PGR: variants seen among roughly 807,000 people sequenced by gnomAD.
PGR encodes the protein progesterone receptor.
Under a neutral mutation model 76.1 loss-of-function variants are expected in PGR, and 25 were observed. The ratio of observed to expected loss-of-function variants is 0.33; its 90% CI spans 0.24 to 0.46. PGR has a LOEUF of 0.46. Among genes scored for constraint, PGR ranks in the 20% least tolerant of loss-of-function variants. PGR has a pLI of 1.00. For synonymous variants in PGR, 579 were observed against 535.0 expected (o/e 1.08, Z -1.14); for missense variants, 1,172 against 1,225.3 (o/e 0.96, Z 0.65).
intron 4 of PGR, among the ~76,000 whole-genome samples, chr11:101,061,848 C>T (rs1395385457): frequency 6.6e-6 from 1 of 152,114 alleles, no homozygotes; most frequent in African/African-American, 2.4e-5. Flanking sequence ...GACTGAAATT[C>T]TTCTGTGATG....
At chr11:101,063,327 G>C (rs1261698434) in intron 3 of PGR, 1 of 152,264 alleles carries the variant, frequency 6.6e-6, no homozygotes, top group Non-Finnish European at 1.5e-5. Flanking sequence ...ACTTTTATGA[G>C]ATCTAAGACT....
Position 101,105,396 on chromosome 11 carries a change from C to A in PGR, c.1790-13520G>T, listed in dbSNP as rs562970089. 1.4e-4 allele frequency among the ~76,000 whole-genome samples: 21 copies of A among 151,898 alleles called. 1 individual carries two copies. The East Asian group carries it at 3.7e-3, about 27-fold the overall frequency. On this transcript the variant is annotated intron_variant, in intron 2 of 7. Transcript: ENST00000325455. Reference sequence around the variant, plus strand: ...CGAAGGGGAATAAGAGTGGCTTAAACCAAAGTGGTCAGTGGAGGTGGTGAT... The same window carrying A: ...CGAAGGGGAATAAGAGTGGCTTAAAACAAAGTGGTCAGTGGAGGTGGTGAT...
chr11:101,051,321 A>G (rs1473799937), intron 5 of PGR, 103 bp downstream of exon 5: 3 of 773,208 alleles, frequency 3.9e-6, no homozygotes, highest in Non-Finnish European at 6.7e-6. Context: ...TAATGTCATC[A>G]TATCAAGAAC....
At position 101,089,676 on chromosome 11, in the gene PGR, C is replaced by T. The variant is rs147812697; in HGVS notation, c.1906+2084G>A. On this transcript the variant is annotated intron_variant, in intron 3 of 7. Coordinates refer to ENST00000325455, the MANE Select transcript of PGR (RefSeq NM_000926.4). ...AAGGGATGGGGTGCAAATTAGAAAGCGATTGAGGGAGAAGAGGGAGGAAGG... is the reference window on the plus strand; with the variant it reads ...AAGGGATGGGGTGCAAATTAGAAAGTGATTGAGGGAGAAGAGGGAGGAAGG... Among the ~76,000 whole-genome samples, 442 of 119,718 alleles carry T rather than the reference C, an allele frequency of 3.7e-3. 6 individuals are homozygous for T. The East Asian group carries it at 0.099, about 27-fold the overall frequency. 78.5% of individuals were successfully genotyped at this position (119,718 alleles called of 152,430 possible).
At chr11:101,094,528 T>C (rs1162479002) in intron 2 of PGR, among the ~76,000 whole-genome samples, 1 of 152,202 alleles carries the variant, frequency 6.6e-6, no homozygotes, top group East Asian at 1.9e-4. Context: ...TGCACACACT[T>C]TGTGGGTAGT....
intron 3 of PGR, among the ~76,000 whole-genome samples, chr11:101,085,046 A>G (rs1259328678): frequency 1.3e-5 from 2 of 152,188 alleles, no homozygotes; most frequent in Non-Finnish European, 2.9e-5. Flanking sequence ...AAGACTAACA[A>G]AGAAATTCTG....
chr11:101,091,371 C>T (rs1195359904), intron 3 of PGR, among the ~76,000 whole-genome samples: 3 of 152,118 alleles, frequency 2.0e-5, no homozygotes, highest in African/African-American at 7.2e-5. Context: ...ATTTTTTGAG[C>T]TGAAAGGAAT....
intron 2 of PGR, among the ~76,000 whole-genome samples, chr11:101,103,108 A>G (rs1239193274): frequency 1.3e-5 from 2 of 151,260 alleles, no homozygotes; most frequent in Non-Finnish European, 3.0e-5. Context: ...GCAGGAGGTG[A>G]GCAGCAGGTG....
intron 2 of PGR, among the ~76,000 whole-genome samples, chr11:101,105,422 AAG>A (rs1227659407): frequency 1.3e-4 from 20 of 152,000 alleles, no homozygotes; most frequent in Non-Finnish European, 1.8e-4. Flanking sequence ...AGGTGGTGAT[AAG>A]AGGTCAGGTT....
chr11:101,084,798 C>G (rs922367746), intron 3 of PGR, among the ~76,000 whole-genome samples: 1 of 151,894 alleles, frequency 6.6e-6, no homozygotes, highest in African/African-American at 2.4e-5. Flanking sequence ...AGCATGCAAA[C>G]AGAAAACAAA....
intron 1 of PGR, 32 bp downstream of exon 1, chr11:101,127,402 C>G (rs753904342): frequency 6.7e-7 from 1 of 1,483,722 alleles, no homozygotes; most frequent in Non-Finnish European, 9.0e-7. Flanking sequence ...TACTCCCGGA[C>G]GCGCTGGGCG....
chr11:101,080,774 T>TA (rs1278109140), intron 3 of PGR, among the ~76,000 whole-genome samples: 8 of 151,984 alleles, frequency 5.3e-5, no homozygotes, highest in Non-Finnish European at 7.4e-5. Context: ...ATGAACATCT[T>TA]AAAAAAAATC....
chr11:101,097,771 T>C (rs1194941313), intron 2 of PGR, among the ~76,000 whole-genome samples: 1 of 146,630 alleles, frequency 6.8e-6, no homozygotes, highest in East Asian at 2.3e-4. Flanking sequence ...TATTTCCAAG[T>C]GTTACTCTTT....
chr11:101,049,854 A>T, intron 6 of PGR, 75 bp downstream of exon 6: 2 of 1,196,694 alleles, frequency 1.7e-6, no homozygotes, highest in Non-Finnish European at 2.5e-6. Flanking sequence ...ATAACTATAT[A>T]ATCATATTGT....
intron 4 of PGR, among the ~76,000 whole-genome samples, chr11:101,053,995 A>G (rs1226605928): frequency 2.0e-5 from 3 of 152,132 alleles, no homozygotes; most frequent in African/African-American, 7.2e-5. Context: ...TTGAATCAGA[A>G]AATACTAAAG....
intron 3 of PGR, among the ~76,000 whole-genome samples, chr11:101,083,584 G>A (rs1861386006): frequency 6.6e-6 from 1 of 152,228 alleles, no homozygotes; most frequent in African/African-American, 2.4e-5. Context: ...GGCCTTGGGA[G>A]CCCATCCCTT....
chr11:101,107,211 G>C (rs1862192767), intron 2 of PGR, among the ~76,000 whole-genome samples: 1 of 151,982 alleles, frequency 6.6e-6, no homozygotes, highest in Admixed American at 6.6e-5. Context: ...TAAAGTATAA[G>C]TAAAAAAAGG....
At chr11:101,060,703 A>G (rs1860461703) in intron 4 of PGR, among the ~76,000 whole-genome samples, 1 of 152,206 alleles carries the variant, frequency 6.6e-6, no homozygotes, top group Non-Finnish European at 1.5e-5. Flanking sequence ...ACAGGCCACA[A>G]GAGACTTTGA....
Position 101,126,157 on chromosome 11 carries a change from G to T in PGR, c.1639C>A (p.Pro547Thr), listed in dbSNP as rs774046825. The T allele has an allele frequency of 5.0e-6, 8 of 1,613,950 alleles. No individual in the cohort carries two copies. The highest frequency in any genetic ancestry group is 6.8e-6 in the Non-Finnish European group (8 of 1,179,872). ...GGGCTCTGGCTGGCTTCTGAATCCG[G>T]CCTTGAAATGCAAAACAAAGTACTC... is the stretch of plus-strand genomic sequence containing the variant. ...VYPPYLNYLR[P>T]DSEASQSPQY... The change falls in exon 2 of 8, where the codon CCG becomes ACG. Residue 547 changes from proline to threonine, a missense_variant and splice_region_variant. By Grantham distance (38) the Pro-to-Thr change is conservative. Transcript: ENST00000325455.
Sources: gnomAD v4.1 joint callset for allele counts (sites outside exome capture counted in the v4.1 genomes callset) on GRCh38, gnomAD v4.1.1 for gene constraint, MANE v1.5 for transcripts, NCBI Gene and HGNC (gene_info 2026-07-23, HGNC 2026-07-21) for gene names.